KIRREL3: variants seen among roughly 807,000 people sequenced by gnomAD.
The protein encoded by KIRREL3 is kirre like nephrin family adhesion molecule 3.
A neutral mutation model predicts 89.7 loss-of-function variants in KIRREL3; 36 were observed. That is an observed-to-expected ratio of 0.40 (90% CI 0.31 to 0.53). KIRREL3 has a LOEUF of 0.53. Ranked by LOEUF, KIRREL3 falls within the 20% of genes least tolerant of loss-of-function variation. KIRREL3 has a pLI of 0.49. For synonymous variants in KIRREL3, 445 were observed against 441.4 expected, an observed-to-expected ratio of 1.01 and a Z score of -0.10; for missense variants, 864 against 1,056.6, an observed-to-expected ratio of 0.82 and a Z score of 2.53.
rs1262369213 is a variant in KIRREL3 at position 126,530,181 on chromosome 11, T to C, written c.134-3494A>G. Among the ~76,000 whole-genome samples the C allele has an allele frequency of 6.6e-6, 1 of 152,056 alleles. No individual in the cohort carries two copies. Among genetic ancestry groups the C allele is most frequent in the Non-Finnish European group, 1.5e-5 (1 of 67,996 alleles). ...GCTCACTGCAACCTTTGCCTCCCGG[T>C]TCAAGTGATTCTCCTGCCTCAGCCT... On this transcript the variant is annotated intron_variant, in intron 2 of 16. Transcript: ENST00000525144. This position sits in a 1 kb window ranked among gnomAD's most constrained non-coding sequence, Gnocchi z 5.8.
chr11:126,880,601 A>T (rs1168137048), intron 1 of KIRREL3, among the ~76,000 whole-genome samples: 4 of 151,942 alleles, frequency 2.6e-5, no homozygotes. Context: ...AACCAAGGTA[A>T]CAATATCCTA....
In KIRREL3 at chr11:126,513,549, A is replaced by G. The variant is rs146992101; in HGVS notation, c.433+7766T>C. On this transcript the variant is annotated intron_variant, in intron 4 of 16. Coordinates refer to ENST00000525144, the MANE Select transcript of KIRREL3 (RefSeq NM_032531.4). The surrounding 1 kb of genome is among the most constrained non-coding windows in gnomAD (Gnocchi z 5.9). ...TCCTCCGGGCCTTGGAAGTCGTTTAATGCTTGAGTGTCCTGCCCCCACCTC... is the reference window on the plus strand; with the variant it reads ...TCCTCCGGGCCTTGGAAGTCGTTTAGTGCTTGAGTGTCCTGCCCCCACCTC... Among the ~76,000 whole-genome samples, 34 of 152,200 alleles carry G rather than the reference A, an allele frequency of 2.2e-4. No homozygotes were observed. The highest frequency in any genetic ancestry group is 6.7e-4 in the African/African-American group (28 of 41,530).
chr11:126,739,292 G>A lies in KIRREL3; in HGVS notation c.56-176380C>T, dbSNP rs1439741678. Reference sequence around the variant, plus strand: ...ATAGTATTAATTCGACTGCCTTTTGGCATGGTTATGGGGCTTCTCTGCAAA... The same window carrying A: ...ATAGTATTAATTCGACTGCCTTTTGACATGGTTATGGGGCTTCTCTGCAAA... On this transcript the variant is annotated intron_variant, in intron 1 of 16. Coordinates refer to ENST00000525144, the MANE Select transcript of KIRREL3 (RefSeq NM_032531.4). The surrounding 1 kb of genome is among the most constrained non-coding windows in gnomAD (Gnocchi z 5.5). Among the ~76,000 whole-genome samples the A allele has an allele frequency of 1.3e-5, 2 of 152,220 alleles. No homozygotes were observed. Among genetic ancestry groups the A allele is most frequent in the Non-Finnish European group, 2.9e-5 (2 of 68,034 alleles).
At chr11:126,901,624 C>A (rs766156984) in intron 1 of KIRREL3, among the ~76,000 whole-genome samples, 19 of 152,182 alleles carry the variant, frequency 1.2e-4, no homozygotes, top group Admixed American at 7.9e-4. Context: ...GCACCTGAAC[C>A]ATTATCCTAT....
At chr11:126,499,561 C>A (rs1278635684) in intron 4 of KIRREL3, among the ~76,000 whole-genome samples, 1 of 152,244 alleles carries the variant, frequency 6.6e-6, no homozygotes, top group Non-Finnish European at 1.5e-5. Context: ...TTCCACTGAG[C>A]CCCAACCTGT....
intron 1 of KIRREL3, among the ~76,000 whole-genome samples, chr11:126,949,070 TCTC>T (rs762329845): frequency 6.6e-6 from 1 of 152,348 alleles, no homozygotes; most frequent in East Asian, 1.9e-4. Flanking sequence ...GCTTAAATAA[TCTC>T]CTGACTAATG....
chr11:126,435,166 G>C (rs3212315), intron 13 of KIRREL3, 102 bp downstream of exon 13: 2 of 1,210,464 alleles, frequency 1.7e-6, no homozygotes, highest in Admixed American at 1.7e-5. Flanking sequence ...AGACACTAGC[G>C]GCCAGCACAG....
chr11:126,434,276 G>T (rs1200103439), intron 13 of KIRREL3, among the ~76,000 whole-genome samples: 2 of 152,250 alleles, frequency 1.3e-5, no homozygotes, highest in Non-Finnish European at 2.9e-5. Flanking sequence ...GAGCCACCGA[G>T]GGGGGAAGGT....
rs1485963975 is a variant in KIRREL3 at position 126,628,226 on chromosome 11, C to A, written c.56-65314G>T. Among the ~76,000 whole-genome samples the A allele has an allele frequency of 6.6e-6, 1 of 152,184 alleles. No homozygotes were observed. The highest frequency in any genetic ancestry group is 1.5e-5 in the Non-Finnish European group (1 of 68,036). On this transcript the variant is annotated intron_variant, in intron 1 of 16. Transcript: ENST00000525144. The surrounding 1 kb of genome is among the most constrained non-coding windows in gnomAD (Gnocchi z 5.2). ...GCACTGTCTGAGCACTCATCAAGAC[C>A]TGCTCACCACCCACCAATCCTGTCA...
Position 126,897,949 on chromosome 11 carries a change from G to T in KIRREL3, c.55+102506C>A, listed in dbSNP as rs145421339. ...CATTCTGCCTCTGCTTGGGAAGGGG[G>T]AGTGGGTGGGAGCTTGGACTGTCCA... On this transcript the variant is annotated intron_variant, in intron 1 of 16. Coordinates refer to ENST00000525144, the MANE Select transcript of KIRREL3 (RefSeq NM_032531.4). This position sits in a 1 kb window ranked among gnomAD's most constrained non-coding sequence, Gnocchi z 4.2. 2.0e-5 allele frequency among the ~76,000 whole-genome samples: 3 copies of T among 152,298 alleles called. No individual in the cohort carries two copies. Among genetic ancestry groups the T allele is most frequent in the Non-Finnish European group, 2.9e-5 (2 of 68,024 alleles).
At chr11:126,573,763 C>T (rs1941099373) in intron 1 of KIRREL3, among the ~76,000 whole-genome samples, 1 of 152,118 alleles carries the variant, frequency 6.6e-6, no homozygotes, top group Non-Finnish European at 1.5e-5. Flanking sequence ...TTTCTTTTGT[C>T]TTCAAAAACA....
At chr11:126,787,816 G>A (rs1229738080) in intron 1 of KIRREL3, among the ~76,000 whole-genome samples, 1 of 152,142 alleles carries the variant, frequency 6.6e-6, no homozygotes, top group Non-Finnish European at 1.5e-5. Flanking sequence ...CTGATGAATT[G>A]GCCTCACTGC....
chr11:126,435,380 T>G (rs1955286000), intron 12 of KIRREL3, 77 bp from the exon 13 acceptor site: 1 of 1,454,986 alleles, frequency 6.9e-7, no homozygotes, highest in Non-Finnish European at 9.6e-7. Flanking sequence ...ATTAGCTGCT[T>G]GAGCGGGGCT....
intron 2 of KIRREL3, among the ~76,000 whole-genome samples, chr11:126,539,817 A>G (rs1312456631): frequency 1.3e-5 from 2 of 152,194 alleles, no homozygotes; most frequent in Non-Finnish European, 2.9e-5. Context: ...AGCACTACCT[A>G]TGGGTCAGGC....
In KIRREL3 at chr11:126,551,808, A is replaced by C. The variant is rs1939286898; in HGVS notation, c.133+11027T>G. Among the ~76,000 whole-genome samples the C allele has an allele frequency of 6.6e-6, 1 of 151,850 alleles. No individual in the cohort carries two copies. On this transcript the variant is annotated intron_variant, in intron 2 of 16. Coordinates refer to ENST00000525144, the MANE Select transcript of KIRREL3 (RefSeq NM_032531.4). This position sits in a 1 kb window ranked among gnomAD's most constrained non-coding sequence, Gnocchi z 4.9. ...TTACAGGCATGCGCCACCATGCCCG[A>C]CTAATTTTTGTATTTTTAGTAGAGA...
chr11:126,574,260 A>C lies in KIRREL3; in HGVS notation c.56-11348T>G, dbSNP rs2134638688. On this transcript the variant is annotated intron_variant, in intron 1 of 16. Coordinates refer to ENST00000525144, the MANE Select transcript of KIRREL3 (RefSeq NM_032531.4). The surrounding 1 kb of genome is among the most constrained non-coding windows in gnomAD (Gnocchi z 5.3). ...TCAAAATCACCCTGCTGCTAATGGC[A>C]GGGCTAGGATTTGACCACAACGCTT... Among the ~76,000 whole-genome samples, 1 of 152,346 alleles carries C rather than the reference A, an allele frequency of 6.6e-6. No homozygotes were observed. The highest frequency in any genetic ancestry group is 1.9e-4 in the East Asian group (1 of 5,186).
rs1955101616 is a variant in KIRREL3 at position 126,430,809 on chromosome 11, G to A, written c.1696+610C>T. On this transcript the variant is annotated intron_variant, in intron 14 of 16. Coordinates refer to ENST00000525144, the MANE Select transcript of KIRREL3 (RefSeq NM_032531.4). This position sits in a 1 kb window ranked among gnomAD's most constrained non-coding sequence, Gnocchi z 6.6. ...GTCATGTGGCAGAAGAGGTGGGACT[G>A]GAACACTGTGTCTCCATTGTCTTCA... 4.6e-6 allele frequency: 1 copy of A among 218,698 alleles called. No homozygotes were observed. The allele number at this position is 218,698 out of a possible 1,614,324, so 13.5% of individuals were successfully genotyped here. A position where few individuals can be genotyped will look rare whatever the true frequency, so the allele number is the denominator to read the frequency against.
chr11:126,758,043 A>C (rs1264027225), intron 1 of KIRREL3, among the ~76,000 whole-genome samples: 2 of 152,232 alleles, frequency 1.3e-5, no homozygotes, highest in African/African-American at 4.8e-5. Flanking sequence ...CTGATTCCCT[A>C]ATTAGCCAGA....
At chr11:126,532,528 A>G (rs888970395) in intron 2 of KIRREL3, among the ~76,000 whole-genome samples, 1 of 152,076 alleles carries the variant, frequency 6.6e-6, no homozygotes, top group Non-Finnish European at 1.5e-5. Flanking sequence ...GGCACCTGCC[A>G]CCATGCCTGG....
Sources: gnomAD v4.1 joint callset for allele counts (sites outside exome capture counted in the v4.1 genomes callset) on GRCh38, gnomAD v4.1.1 for gene constraint, Gnocchi (gnomAD v3.1) non-coding constraint, MANE v1.5 for transcripts, NCBI Gene and HGNC (gene_info 2026-07-23, HGNC 2026-07-21) for gene names.